The following IL1RAPL1 variants were observed in gnomAD, a reference collection of about 807,000 sequenced individuals.
The protein encoded by IL1RAPL1 is interleukin-1 receptor accessory protein-like 1.
Under a neutral mutation model 48.4 loss-of-function variants are expected in IL1RAPL1, and 3 were observed. That is an observed-to-expected ratio of 0.06 (90% CI 0.03 to 0.16). The LOEUF (loss-of-function observed/expected upper bound fraction) is 0.16. IL1RAPL1 is among the 10% of genes least tolerant of loss of function. IL1RAPL1 has a pLI of 1.00. For synonymous variants in IL1RAPL1, 185 were observed against 187.7 expected, an observed-to-expected ratio of 0.99 and a Z score of 0.12; for missense variants, 349 against 530.6, an observed-to-expected ratio of 0.66 and a Z score of 3.36.
chrX:28,685,395 A>G (rs1220269299), intron 1 of IL1RAPL1, among the ~76,000 whole-genome samples: 1 of 112,542 alleles, frequency 8.9e-6, no homozygotes, highest in African/African-American at 3.2e-5. Flanking sequence ...ATACTTAACA[A>G]TACTCTTTTC....
chrX:28,901,256 G>T (rs1428064338), intron 2 of IL1RAPL1, among the ~76,000 whole-genome samples: 1 of 111,713 alleles, frequency 9.0e-6, no homozygotes, highest in African/African-American at 3.3e-5. Context: ...GTGCTTAGGT[G>T]AAAACAAATA....
chrX:29,872,583 A>G, intron 6 of IL1RAPL1, among the ~76,000 whole-genome samples: 1 of 112,208 alleles, frequency 8.9e-6, no homozygotes, highest in Middle Eastern at 4.6e-3. Context: ...GGAGTTTCCA[A>G]CAAGTGCTGG....
chrX:28,673,697 T>C (rs947164298), intron 1 of IL1RAPL1, among the ~76,000 whole-genome samples: 2 of 111,267 alleles, frequency 1.8e-5, no homozygotes, highest in African/African-American at 6.5e-5. Flanking sequence ...AGATATAAAA[T>C]CTCGGAGGGT....
chrX:29,300,217 A>C (rs1036671216), intron 3 of IL1RAPL1, among the ~76,000 whole-genome samples: 2 of 111,755 alleles, frequency 1.8e-5, no homozygotes, highest in Non-Finnish European at 3.8e-5. Flanking sequence ...CTTTTAAGAG[A>C]GTTCTATCCC....
rs1364001670 is a variant in IL1RAPL1 at position 29,573,256 on chromosome X, A to T, written c.704-95174A>T. On this transcript the variant is annotated intron_variant, in intron 5 of 10. Coordinates refer to ENST00000378993, the MANE Select transcript of IL1RAPL1 (RefSeq NM_014271.4). ...TTTGGGATTGCATTTCAACATATAAATCATTGAGGGACACAACATTCAGAC... is the reference window on the plus strand; with the variant it reads ...TTTGGGATTGCATTTCAACATATAATTCATTGAGGGACACAACATTCAGAC... Among the ~76,000 whole-genome samples, 3 of 112,537 alleles carry T rather than the reference A, an allele frequency of 2.7e-5. No individual in the cohort carries two copies. The East Asian group carries it at 8.4e-4, about 31-fold the overall frequency.
intron 1 of IL1RAPL1, among the ~76,000 whole-genome samples, chrX:28,767,814 C>A (rs1215474464): frequency 1.8e-5 from 2 of 110,353 alleles, no homozygotes; most frequent in Non-Finnish European, 3.8e-5. Flanking sequence ...AAATTCTTTA[C>A]AACTCTGAAA....
chrX:29,944,593 G>A (rs774858349), intron 9 of IL1RAPL1, among the ~76,000 whole-genome samples: 4 of 111,911 alleles, frequency 3.6e-5, no homozygotes, highest in Non-Finnish European at 7.5e-5. Flanking sequence ...AGATTACTCC[G>A]TCACTTCTGG....
chrX:29,468,398 A>G (rs2147738269), intron 5 of IL1RAPL1, among the ~76,000 whole-genome samples: 1 of 112,154 alleles, frequency 8.9e-6, no homozygotes, highest in African/African-American at 3.2e-5. Context: ...CTCTTACCCG[A>G]GTATCTACAT....
At chrX:29,659,239 A>G (rs1428629090) in intron 5 of IL1RAPL1, among the ~76,000 whole-genome samples, 2 of 111,982 alleles carry the variant, frequency 1.8e-5, no homozygotes, top group African/African-American at 6.5e-5. Flanking sequence ...ATGACCAACC[A>G]TTCTATTCTC....
chrX:29,716,735 G>A, intron 6 of IL1RAPL1, among the ~76,000 whole-genome samples: 1 of 111,692 alleles, frequency 9.0e-6, no homozygotes, highest in African/African-American at 3.3e-5. Context: ...ACAGTAAAGA[G>A]TCTGGCTGCA....
At chrX:29,835,276 A>T (rs1444361844) in intron 6 of IL1RAPL1, among the ~76,000 whole-genome samples, 1 of 112,185 alleles carries the variant, frequency 8.9e-6, no homozygotes, top group Non-Finnish European at 1.9e-5. Flanking sequence ...TTTATCATGT[A>T]CAACATGATG....
intron 2 of IL1RAPL1, among the ~76,000 whole-genome samples, chrX:28,994,966 G>A (rs1437738977): frequency 9.0e-6 from 1 of 111,402 alleles, no homozygotes. Flanking sequence ...ATGTTATTAT[G>A]TGGTGAAATA....
In IL1RAPL1 at chrX:29,282,695, A is replaced by G. The variant is rs192822780; in HGVS notation, c.83-243A>G. Among the ~76,000 whole-genome samples the G allele has an allele frequency of 3.6e-5, 4 of 112,059 alleles. No homozygotes were observed. The Admixed American group carries it at 3.8e-4, about 11-fold the overall frequency. On this transcript the variant is annotated intron_variant, in intron 2 of 10. Transcript: ENST00000378993. ...AAATCAATAACCAGCACACTGATAT[A>G]AACAAATAATAAATAACAGCAGAAG...
intron 2 of IL1RAPL1, among the ~76,000 whole-genome samples, chrX:28,859,966 C>T (rs1921900633): frequency 9.1e-6 from 1 of 110,355 alleles, no homozygotes; most frequent in Non-Finnish European, 1.9e-5. Flanking sequence ...GTTTTTAAAT[C>T]ATTTAGTTTT....
intron 2 of IL1RAPL1, among the ~76,000 whole-genome samples, chrX:29,088,481 G>A (rs909916224): frequency 8.6e-4 from 94 of 109,232 alleles, no homozygotes; most frequent in African/African-American, 2.9e-3. Flanking sequence ...TTCAAGACCA[G>A]CCTGGCCAAC....
intron 2 of IL1RAPL1, among the ~76,000 whole-genome samples, chrX:28,832,847 A>AG (rs1456523609): frequency 1.6e-4 from 13 of 81,125 alleles, no homozygotes; most frequent in Admixed American, 4.3e-4. Context: ...TTTTAGATTC[A>AG]GGGGGTACAT....
chrX:29,525,474 G>A (rs1378668516), intron 5 of IL1RAPL1, among the ~76,000 whole-genome samples: 2 of 112,098 alleles, frequency 1.8e-5, no homozygotes, highest in African/African-American at 3.2e-5. Flanking sequence ...GGCAGATTCT[G>A]TCTGGAAAGT....
intron 2 of IL1RAPL1, among the ~76,000 whole-genome samples, chrX:28,946,072 T>C (rs1006496157): frequency 1.1e-4 from 12 of 109,859 alleles, no homozygotes; most frequent in Non-Finnish European, 2.1e-4. Context: ...ATAGTGAGCC[T>C]ACCAATTAAG....
At chrX:29,916,858 T>A (rs941112385) in intron 6 of IL1RAPL1, among the ~76,000 whole-genome samples, 1 of 112,475 alleles carries the variant, frequency 8.9e-6, no homozygotes, top group Non-Finnish European at 1.9e-5. Context: ...TTATCTGTGA[T>A]GAAAATCCCA....
Sources: allele counts gnomAD v4.1 joint callset (sites outside exome capture counted in the v4.1 genomes callset), GRCh38; gene constraint gnomAD v4.1.1; transcripts MANE v1.5; gene names NCBI Gene and HGNC (gene_info 2026-07-23, HGNC 2026-07-21).